DPF3: variants seen among roughly 807,000 people sequenced by gnomAD.
DPF3 encodes the protein double PHD fingers 3.
A neutral mutation model predicts 56.8 loss-of-function variants in DPF3; 18 were observed. The ratio of observed to expected loss-of-function variants is 0.32; its 90% CI spans 0.22 to 0.47. The LOEUF is 0.47. Ranked by LOEUF, DPF3 falls within the 20% of genes least tolerant of loss-of-function variation. DPF3 has a pLI of 1.00. For missense variants in DPF3, 403 were observed against 488.8 expected, an observed-to-expected ratio of 0.82 and a Z score of 1.65; for synonymous variants, 188 against 180.2, an observed-to-expected ratio of 1.04 and a Z score of -0.35.
chr14:72,814,927 AT>A (rs1369354421), intron 1 of DPF3, among the ~76,000 whole-genome samples: 1 of 152,208 alleles, frequency 6.6e-6, no homozygotes, highest in Non-Finnish European at 1.5e-5. Context: ...TTAAGCAAAA[AT>A]TTTCTTAAAT....
chr14:72,707,062 T>A (rs1014719656), intron 6 of DPF3, among the ~76,000 whole-genome samples: 1 of 151,452 alleles, frequency 6.6e-6, no homozygotes, highest in Non-Finnish European at 1.5e-5. Flanking sequence ...CACCTATGAG[T>A]GAGAATATGC....
chr14:72,893,599 G>A (rs987768033), intron 1 of DPF3, among the ~76,000 whole-genome samples: 2 of 151,798 alleles, frequency 1.3e-5, no homozygotes, highest in African/African-American at 2.4e-5. Flanking sequence ...GCGGCGGGGC[G>A]GGGGCCGCGG....
At chr14:72,893,533 A>G (rs1001589203) in intron 1 of DPF3, among the ~76,000 whole-genome samples, 4 of 152,092 alleles carry the variant, frequency 2.6e-5, no homozygotes, top group African/African-American at 9.7e-5. Flanking sequence ...GAAGGCGAAG[A>G]GCGCCCTGCA....
At chr14:72,810,129 G>C (rs1882973002) in intron 1 of DPF3, among the ~76,000 whole-genome samples, 1 of 152,184 alleles carries the variant, frequency 6.6e-6, no homozygotes. Flanking sequence ...GCATTTCATA[G>C]GGAAGATGCG....
chr14:72,718,847 C>T (rs368256775), intron 5 of DPF3, among the ~76,000 whole-genome samples: 5 of 143,704 alleles, frequency 3.5e-5, no homozygotes, highest in African/African-American at 1.3e-4. Flanking sequence ...CTCACTGCAA[C>T]CTCCGCCTCC....
chr14:72,885,139 A>G (rs75002641), intron 1 of DPF3, among the ~76,000 whole-genome samples: 7,226 of 145,658 alleles, frequency 0.05, 638 homozygotes, highest in African/African-American at 0.17. Flanking sequence ...AAAAAAAAAC[A>G]GGAAGGGGGA....
At chr14:72,653,312 C>T (rs28658528) in intron 8 of DPF3, among the ~76,000 whole-genome samples, 6,648 of 152,308 alleles carry the variant, frequency 0.044, 189 homozygotes, top group African/African-American at 0.074. Context: ...CCTACCACTC[C>T]GGGCCTCCAC....
chr14:72,718,094 G>A (rs1388549282), intron 5 of DPF3, among the ~76,000 whole-genome samples: 1 of 152,202 alleles, frequency 6.6e-6, no homozygotes, highest in Non-Finnish European at 1.5e-5. Context: ...GGAGCCTTAT[G>A]GGGCCATGTA....
chr14:72,809,763 C>T (rs187663287), intron 1 of DPF3, among the ~76,000 whole-genome samples: 6 of 152,284 alleles, frequency 3.9e-5, no homozygotes, highest in Admixed American at 1.3e-4. Flanking sequence ...CCCAACTTTT[C>T]ACTTAGCTCT....
intron 8 of DPF3, chr14:72,671,468 A>C (rs768177773): frequency 7.7e-7 from 1 of 1,291,808 alleles, no homozygotes; most frequent in East Asian, 2.3e-5. Flanking sequence ...AAAGGGATTA[A>C]CCCGGTGCAT....
chr14:72,661,779 T>C, intron 8 of DPF3: 1 of 985,044 alleles, frequency 1.0e-6, no homozygotes, highest in African/African-American at 1.7e-5. Flanking sequence ...CAGCAGAAGG[T>C]TCCCTTTCCT....
At chr14:72,870,037 C>T (rs996086630) in intron 1 of DPF3, among the ~76,000 whole-genome samples, 1 of 152,114 alleles carries the variant, frequency 6.6e-6, no homozygotes, top group Admixed American at 6.5e-5. Context: ...GCTATTGAGT[C>T]CCATCAATTA....
At chr14:72,816,404 T>C (rs1448613599) in intron 1 of DPF3, among the ~76,000 whole-genome samples, 1 of 152,210 alleles carries the variant, frequency 6.6e-6, no homozygotes, top group Non-Finnish European at 1.5e-5. Flanking sequence ...GTGCAGATAT[T>C]CTCCACCCCA....
At chr14:72,756,892 AG>A (rs1890838403) in intron 2 of DPF3, among the ~76,000 whole-genome samples, 2 of 113,418 alleles carry the variant, frequency 1.8e-5, no homozygotes, top group Admixed American at 8.9e-5. Context: ...AAGGAAAGAA[AG>A]AAAGAAAAGA....
intron 6 of DPF3, among the ~76,000 whole-genome samples, chr14:72,696,625 C>A (rs181356556): frequency 6.6e-6 from 1 of 152,228 alleles, no homozygotes; most frequent in Admixed American, 6.5e-5. Flanking sequence ...ATCCTTCTAC[C>A]CACATTAAGC....
intron 9 of DPF3, among the ~76,000 whole-genome samples, chr14:72,623,089 C>G (rs1357893541): frequency 2.0e-5 from 3 of 152,090 alleles, no homozygotes; most frequent in African/African-American, 7.2e-5. Flanking sequence ...ATACTTGTTA[C>G]CATTTTTCAT....
chr14:72,642,578 T>G (rs1014498993), intron 8 of DPF3, among the ~76,000 whole-genome samples: 1 of 152,244 alleles, frequency 6.6e-6, no homozygotes, highest in Admixed American at 6.5e-5. Context: ...CCTCAGCATT[T>G]ACAGCAAGGT....
At chr14:72,861,314 T>A (rs941186000) in intron 1 of DPF3, among the ~76,000 whole-genome samples, 2 of 152,214 alleles carry the variant, frequency 1.3e-5, no homozygotes, top group African/African-American at 4.8e-5. Flanking sequence ...CTCCACTGGA[T>A]AACTTGCATT....
At chr14:72,774,257 C>G (rs1329727219) in intron 1 of DPF3, among the ~76,000 whole-genome samples, 1 of 105,142 alleles carries the variant, frequency 9.5e-6, no homozygotes, top group Non-Finnish European at 1.7e-5. Flanking sequence ...GGGTGAGACT[C>G]TGTCTAAAAA....
Sources: gnomAD v4.1 joint callset for allele counts (sites outside exome capture counted in the v4.1 genomes callset) on GRCh38, gnomAD v4.1.1 for gene constraint, MANE v1.5 for transcripts, NCBI Gene and HGNC (gene_info 2026-07-23, HGNC 2026-07-21) for gene names.